Variants in VRK2 observed in about 807,000 individuals in gnomAD.
The protein encoded by VRK2 is VRK serine/threonine kinase 2.
Under a neutral mutation model 57.6 loss-of-function variants are expected in VRK2, and 60 were observed. The observed-to-expected ratio is 1.04, with a 90% CI of 0.85 to 1.29. VRK2 has a LOEUF of 1.29. VRK2 is among the 50% of genes most tolerant of loss of function. VRK2 has a pLI of 0.00. For synonymous variants in VRK2, 231 were observed against 199.2 expected (o/e 1.16, Z -1.35); for missense variants, 705 against 588.1 (o/e 1.20, Z -2.06).
intron 1 of VRK2, among the ~76,000 whole-genome samples, chr2:58,010,967 T>C (rs1010171814): frequency 1.3e-5 from 2 of 152,224 alleles, no homozygotes; most frequent in African/African-American, 4.8e-5. Context: ...AGTACAACTG[T>C]GACTCTACAA....
intron 2 of VRK2, among the ~76,000 whole-genome samples, chr2:58,059,714 T>A (rs1274075641): frequency 6.6e-6 from 1 of 151,804 alleles, no homozygotes; most frequent in Non-Finnish European, 1.5e-5. Context: ...CAAGGGTGAT[T>A]TCATGAAAAA....
At chr2:57,937,835 T>A (rs1670964924) in intron 1 of VRK2, among the ~76,000 whole-genome samples, 1 of 144,134 alleles carries the variant, frequency 6.9e-6, no homozygotes, top group South Asian at 2.3e-4. Flanking sequence ...TTCTTTTTTT[T>A]TTTTTTTTTT....
intron 10 of VRK2, 100 bp downstream of exon 10, chr2:58,135,299 C>A (rs2104562393): frequency 2.3e-6 from 3 of 1,278,554 alleles, no homozygotes; most frequent in East Asian, 2.3e-5. Context: ...TGCTCCTATT[C>A]CCATCAGGGT....
chr2:58,094,490 G>A (rs1191606523), intron 7 of VRK2, among the ~76,000 whole-genome samples: 2 of 152,174 alleles, frequency 1.3e-5, no homozygotes, highest in South Asian at 4.1e-4. Flanking sequence ...AAGAATGCTT[G>A]TGATTTTTGC....
intron 1 of VRK2, among the ~76,000 whole-genome samples, chr2:57,983,471 G>A (rs1233665903): frequency 1.3e-5 from 2 of 151,988 alleles, no homozygotes; most frequent in Non-Finnish European, 2.9e-5. Context: ...TCAGAGATTA[G>A]GGCATAGAGA....
intron 1 of VRK2, among the ~76,000 whole-genome samples, chr2:57,987,524 G>GA (rs1672635885): frequency 6.6e-6 from 1 of 152,228 alleles, no homozygotes; most frequent in East Asian, 1.9e-4. Context: ...TGTGGGTGCA[G>GA]AAAATCTAGA....
intron 1 of VRK2, among the ~76,000 whole-genome samples, chr2:58,002,554 G>A (rs1673122339): frequency 6.6e-6 from 1 of 152,036 alleles, no homozygotes; most frequent in Non-Finnish European, 1.5e-5. Context: ...GAAAAATGGA[G>A]AGATCACCAT....
intron 12 of VRK2, among the ~76,000 whole-genome samples, chr2:58,153,360 G>A (rs1018200605): frequency 6.6e-5 from 10 of 151,944 alleles, no homozygotes; most frequent in African/African-American, 2.2e-4. Context: ...TTTTATAGAT[G>A]TTCTGTATAA....
At chr2:58,154,611 A>G (rs1356671057) in intron 12 of VRK2, 1 of 606,386 alleles carries the variant, frequency 1.6e-6, no homozygotes, top group African/African-American at 1.9e-5. Context: ...TTTTATTTCC[A>G]TTCGGTTCAA....
intron 1 of VRK2, among the ~76,000 whole-genome samples, chr2:57,949,175 T>C (rs1269700383): frequency 1.3e-5 from 2 of 152,186 alleles, no homozygotes; most frequent in Non-Finnish European, 2.9e-5. Flanking sequence ...GGAAAAATTG[T>C]AGCGTCAAGA....
chr2:58,086,304 C>A (rs1164852996), intron 4 of VRK2, 35 bp from the exon 5 acceptor site: 2 of 1,542,684 alleles, frequency 1.3e-6, no homozygotes, highest in South Asian at 1.2e-5. Flanking sequence ...TTTCAAATAA[C>A]ATGAATCTTT....
intron 1 of VRK2, among the ~76,000 whole-genome samples, chr2:57,961,374 C>A (rs1228969942): frequency 6.6e-6 from 1 of 152,066 alleles, no homozygotes; most frequent in African/African-American, 2.4e-5. Flanking sequence ...AGCAAGAGAA[C>A]TTTGTGATTG....
At chr2:57,974,838 A>G (rs1045945376) in intron 1 of VRK2, among the ~76,000 whole-genome samples, 1 of 151,874 alleles carries the variant, frequency 6.6e-6, no homozygotes, top group Non-Finnish European at 1.5e-5. Flanking sequence ...AAAACAGCCA[A>G]CCCTTACTTG....
chr2:57,975,892 G>C (rs1672237765), intron 1 of VRK2, among the ~76,000 whole-genome samples: 3 of 151,926 alleles, frequency 2.0e-5, no homozygotes, highest in African/African-American at 4.8e-5. Context: ...TATCTGATAG[G>C]TATTTTTTGA....
At chr2:58,135,700 A>G (rs979467873) in intron 10 of VRK2, among the ~76,000 whole-genome samples, 8 of 152,176 alleles carry the variant, frequency 5.3e-5, no homozygotes, top group Non-Finnish European at 1.0e-4. Flanking sequence ...GCAAAGGCAT[A>G]TGATTTTGGG....
At chr2:57,941,618 G>A (rs1178689505) in intron 1 of VRK2, among the ~76,000 whole-genome samples, 1 of 152,150 alleles carries the variant, frequency 6.6e-6, no homozygotes, top group Non-Finnish European at 1.5e-5. Flanking sequence ...CTTGATGCCT[G>A]ATTCCCAGGG....
At chr2:57,987,403 G>A (rs1391347040) in intron 1 of VRK2, among the ~76,000 whole-genome samples, 3 of 152,078 alleles carry the variant, frequency 2.0e-5, no homozygotes, top group Non-Finnish European at 4.4e-5. Flanking sequence ...ACATGAAAAG[G>A]TGTTCAAGAT....
intron 1 of VRK2, among the ~76,000 whole-genome samples, chr2:57,985,586 C>G (rs1389188002): frequency 6.6e-6 from 1 of 152,048 alleles, no homozygotes; most frequent in Non-Finnish European, 1.5e-5. Context: ...AAGAAACCTA[C>G]AGCCAACATT....
At chr2:57,983,855 G>T (rs1441192045) in intron 1 of VRK2, among the ~76,000 whole-genome samples, 1 of 152,116 alleles carries the variant, frequency 6.6e-6, no homozygotes, top group Non-Finnish European at 1.5e-5. Flanking sequence ...ATAATTGTTT[G>T]ATCTTTTTTC....
Sources: allele counts gnomAD v4.1 joint callset (sites outside exome capture counted in the v4.1 genomes callset), GRCh38; gene constraint gnomAD v4.1.1; transcripts MANE v1.5; gene names NCBI Gene and HGNC (gene_info 2026-07-23, HGNC 2026-07-21).